The following NAV1 variants were observed in gnomAD, a reference collection of about 807,000 sequenced individuals.
NAV1 encodes the protein neuron navigator 1, also known as pore membrane and/or filament interacting like protein 3.
Under a neutral mutation model 175.2 loss-of-function variants are expected in NAV1, and 18 were observed. That is an observed-to-expected ratio of 0.10 (90% CI 0.07 to 0.15). NAV1 has a LOEUF of 0.15. Among genes scored for constraint, NAV1 ranks in the 10% least tolerant of loss-of-function variants. NAV1 has a pLI of 1.00. For synonymous variants in NAV1, 897 were observed against 978.7 expected (o/e 0.92, Z 1.56); for missense variants, 1,731 against 2,436.6 (o/e 0.71, Z 6.10).
intron 3 of NAV1, among the ~76,000 whole-genome samples, chr1:201,722,408 C>T (rs770897301): frequency 2.4e-4 from 37 of 152,180 alleles, no homozygotes; most frequent in Non-Finnish European, 4.4e-4. Flanking sequence ...ATAATGTCAT[C>T]AGGGAGCATT....
chr1:201,565,508 G>T (rs919864085), intron 1 of NAV1, among the ~76,000 whole-genome samples: 3 of 152,196 alleles, frequency 2.0e-5, no homozygotes, highest in Non-Finnish European at 2.9e-5. Context: ...CATGGGGCCC[G>T]GCCCATGGCT....
intron 1 of NAV1, among the ~76,000 whole-genome samples, chr1:201,696,100 G>C (rs1348946449): frequency 6.6e-6 from 1 of 152,166 alleles, no homozygotes; most frequent in Non-Finnish European, 1.5e-5. Context: ...ATACATGGGG[G>C]CCAGGTAGTG....
At chr1:201,789,413 G>T (rs1676966670) in intron 10 of NAV1, among the ~76,000 whole-genome samples, 2 of 152,112 alleles carry the variant, frequency 1.3e-5, no homozygotes, top group Admixed American at 6.5e-5. Context: ...TGCGGCTAAG[G>T]TGCTTTCCTG....
chr1:201,593,812 C>G (rs886222923), intron 2 of NAV1, among the ~76,000 whole-genome samples: 1 of 152,204 alleles, frequency 6.6e-6, no homozygotes, highest in Non-Finnish European at 1.5e-5. Flanking sequence ...CCACTCCCCA[C>G]TTTCAGTACT....
intron 1 of NAV1, among the ~76,000 whole-genome samples, 156 bp downstream of exon 3, chr1:201,623,762 G>A (rs1431973052): frequency 6.6e-6 from 1 of 152,238 alleles, no homozygotes; most frequent in Non-Finnish European, 1.5e-5. Flanking sequence ...GAGGCCTACA[G>A]AGTTGGGGGC....
chr1:201,808,347 T>C lies in NAV1; in HGVS notation c.3846-71T>C, dbSNP rs1678443407. On this transcript the variant is annotated intron_variant, in intron 18 of 29. Coordinates refer to ENST00000367296, the Ensembl canonical transcript of NAV1. The surrounding 1 kb of genome is among the most constrained non-coding windows in gnomAD (Gnocchi z 5.5). ...CAGGAGAAGCCAAGACCACCAACCA[T>C]GCCTCTCAATATTCTCTAGTAACTC... The C allele has an allele frequency of 2.0e-6, 3 of 1,516,478 alleles. No individual in the cohort carries two copies. The highest frequency in any genetic ancestry group is 4.0e-5 in the Admixed American group (2 of 49,578). The allele number at this position is 1,516,478 out of a possible 1,614,324, so 93.9% of individuals were successfully genotyped here. A position where few individuals can be genotyped will look rare whatever the true frequency, so the allele number is the denominator to read the frequency against.
At chr1:201,703,792 C>G (rs777648810) in intron 1 of NAV1, among the ~76,000 whole-genome samples, 83 of 152,278 alleles carry the variant, frequency 5.5e-4, no homozygotes, top group Non-Finnish European at 8.8e-4. Context: ...CACTGCCTGC[C>G]CTCAGCTCGC....
Position 201,718,629 on chromosome 1 carries a change from G to A in NAV1, c.1100G>A (p.Ser367Asn), listed in dbSNP as rs757469505. 1.2e-6 allele frequency: 2 copies of A among 1,614,212 alleles called. No individual in the cohort carries two copies. Among genetic ancestry groups the A allele is most frequent in the South Asian group, 2.2e-5 (2 of 91,086 alleles). Reference sequence around the variant, plus strand: ...CCCATGCGCAGCCCCAGCAAGCTCAGCCATATCTCCCGCCTGGAGCTGGTC... The same window carrying A: ...CCCATGCGCAGCCCCAGCAAGCTCAACCATATCTCCCGCCTGGAGCTGGTC... Residue 367 changes from serine to asparagine, a missense_variant, in exon 3 of 30, where the codon AGC becomes AAC. Transcript: ENST00000367296. The surrounding 1 kb of genome is among the most constrained non-coding windows in gnomAD (Gnocchi z 4.8).
chr1:201,764,927 G>C (rs964339245), intron 3 of NAV1, among the ~76,000 whole-genome samples: 3 of 152,226 alleles, frequency 2.0e-5, no homozygotes, highest in African/African-American at 7.2e-5. Flanking sequence ...TTCTGACTGA[G>C]TGGGGTTCTG....
At chr1:201,558,106 A>T (rs1286803474) in intron 1 of NAV1, among the ~76,000 whole-genome samples, 1 of 152,254 alleles carries the variant, frequency 6.6e-6, no homozygotes, top group Non-Finnish European at 1.5e-5. Context: ...TGTAGGAGCC[A>T]AGGGAAAGCT....
chr1:201,701,483 A>G (rs556535721), intron 1 of NAV1, among the ~76,000 whole-genome samples: 7 of 152,160 alleles, frequency 4.6e-5, no homozygotes, highest in Non-Finnish European at 8.8e-5. Flanking sequence ...TGGCTCTAAG[A>G]GTGCTCCAAG....
Position 201,807,571 on chromosome 1 carries a change from G to T in NAV1, c.3649-382G>T, listed in dbSNP as rs76392145. Among the ~76,000 whole-genome samples, 520 of 152,296 alleles carry T rather than the reference G, an allele frequency of 3.4e-3. 3 individuals carry two copies. The highest frequency in any genetic ancestry group is 5.4e-3 in the Non-Finnish European group (367 of 68,020). Reference sequence around the variant, plus strand: ...GACCTTCTCTCTGTCCCCATCAGGGGCACAATTCCCCCTATGAGCAAGAGA... The same window carrying T: ...GACCTTCTCTCTGTCCCCATCAGGGTCACAATTCCCCCTATGAGCAAGAGA... On this transcript the variant is annotated intron_variant, in intron 17 of 29. Transcript: ENST00000367296. This position sits in a 1 kb window ranked among gnomAD's most constrained non-coding sequence, Gnocchi z 5.4.
Position 201,750,986 on chromosome 1 carries a change from G to A in NAV1, c.1227-29435G>A, listed in dbSNP as rs1401753553. On this transcript the variant is annotated intron_variant, in intron 3 of 29. Coordinates refer to ENST00000367296, the Ensembl canonical transcript of NAV1. This position sits in a 1 kb window ranked among gnomAD's most constrained non-coding sequence, Gnocchi z 4.1. ...TTAACTTTCTCTTCTTTTAATTTCAGTCTTCCTTCTCTTGACTTCTTTAAG... is the reference window on the plus strand; with the variant it reads ...TTAACTTTCTCTTCTTTTAATTTCAATCTTCCTTCTCTTGACTTCTTTAAG... Among the ~76,000 whole-genome samples, 1 of 152,148 alleles carries A rather than the reference G, an allele frequency of 6.6e-6. No homozygotes were observed. Among genetic ancestry groups the A allele is most frequent in the Non-Finnish European group, 1.5e-5 (1 of 68,014 alleles).
chr1:201,677,573 ACT>A (rs1430657126), intron 1 of NAV1, among the ~76,000 whole-genome samples: 8 of 151,336 alleles, frequency 5.3e-5, no homozygotes, highest in Non-Finnish European at 8.8e-5. Flanking sequence ...AGCCTTGCCC[ACT>A]CTCTGCTTCT....
chr1:201,555,563 C>A (rs1475211712), intron 1 of NAV1, among the ~76,000 whole-genome samples: 2 of 152,006 alleles, frequency 1.3e-5, no homozygotes, highest in African/African-American at 2.4e-5. Context: ...AGGTTCCATC[C>A]CTCATTTGGG....
intron 13 of NAV1, chr1:201,793,562 C>A (rs1677242579): frequency 1.6e-5 from 8 of 500,546 alleles, no homozygotes; most frequent in South Asian, 1.3e-4. Context: ...GAAACCTGCC[C>A]TACCCTCAAC....
chr1:201,683,811 A>G (rs1380017037), intron 1 of NAV1, among the ~76,000 whole-genome samples: 1 of 107,368 alleles, frequency 9.3e-6, no homozygotes, highest in African/African-American at 3.7e-5. Context: ...CCCCATTTCC[A>G]TAGTGTACTC....
chr1:201,779,029 C>G (rs1231340320), intron 3 of NAV1, among the ~76,000 whole-genome samples: 2 of 152,184 alleles, frequency 1.3e-5, no homozygotes, highest in African/African-American at 2.4e-5. Context: ...AGCAGTCTTA[C>G]TGAACTTCCG....
At chr1:201,589,239 T>C (rs1667121523) in intron 2 of NAV1, among the ~76,000 whole-genome samples, 1 of 152,206 alleles carries the variant, frequency 6.6e-6, no homozygotes, top group South Asian at 2.1e-4. Context: ...TATTTGAATA[T>C]GGAGCCTTTT....
Sources: allele counts gnomAD v4.1 joint callset (sites outside exome capture counted in the v4.1 genomes callset), GRCh38; gene constraint gnomAD v4.1.1; non-coding constraint Gnocchi (gnomAD v3.1); transcripts MANE v1.5; gene names NCBI Gene and HGNC (gene_info 2026-07-23, HGNC 2026-07-21).